NRP2: variants seen among roughly 807,000 people sequenced by gnomAD.
NRP2 encodes neuropilin 2.
Under a neutral mutation model 110.4 loss-of-function variants are expected in NRP2, and 52 were observed. That is an observed-to-expected ratio of 0.47 (90% CI 0.38 to 0.59). The LOEUF (loss-of-function observed/expected upper bound fraction) is 0.59, where lower values mean the gene tolerates loss of function less well. NRP2 is among the 20% of genes least tolerant of loss of function. NRP2 has a pLI of 0.00. For synonymous variants in NRP2, 508 were observed against 468.9 expected (o/e 1.08, Z -1.08); for missense variants, 1,049 against 1,203.0 (o/e 0.87, Z 1.89).
intron 1 of NRP2, among the ~76,000 whole-genome samples, chr2:205,687,167 G>T (rs1430707618): frequency 6.6e-6 from 1 of 152,114 alleles, no homozygotes; most frequent in Admixed American, 6.5e-5. Flanking sequence ...TCACCCTTCC[G>T]TCTGGACTGG....
chr2:205,727,057 C>T (rs1004984831), intron 6 of NRP2, among the ~76,000 whole-genome samples: 2 of 152,234 alleles, frequency 1.3e-5, no homozygotes, highest in Non-Finnish European at 2.9e-5. Flanking sequence ...CATATACTTT[C>T]GCCTATTGCT....
chr2:205,703,654 G>A (rs2056610346), intron 2 of NRP2, among the ~76,000 whole-genome samples: 1 of 152,196 alleles, frequency 6.6e-6, no homozygotes, highest in Non-Finnish European at 1.5e-5. Flanking sequence ...GGAAGATCAA[G>A]GAAGGCTCCC....
intron 15 of NRP2, among the ~76,000 whole-genome samples, chr2:205,771,190 T>A (rs34372604): frequency 1.4e-3 from 216 of 152,304 alleles, no homozygotes; most frequent in South Asian, 2.9e-3. Flanking sequence ...ACATGGTTTC[T>A]GCCAACTTAC....
chr2:205,773,493 T>C (rs958170500), intron 15 of NRP2, among the ~76,000 whole-genome samples: 1 of 152,228 alleles, frequency 6.6e-6, no homozygotes, highest in Non-Finnish European at 1.5e-5. Flanking sequence ...GTTGATAATT[T>C]CAGGGGAGAG....
intron 7 of NRP2, 64 bp from the exon 8 acceptor site, chr2:205,740,455 C>CT: frequency 1.3e-6 from 2 of 1,581,946 alleles, no homozygotes; most frequent in Non-Finnish European, 1.7e-6. Context: ...CCTTCAAAGA[C>CT]TGCTCAAGTG....
At chr2:205,740,837 T>C (rs2057427071) in intron 8 of NRP2, among the ~76,000 whole-genome samples, 174 bp downstream of exon 8, 1 of 152,266 alleles carries the variant, frequency 6.6e-6, no homozygotes, top group African/African-American at 2.4e-5. Flanking sequence ...TATACATTTA[T>C]TAAGCATCTA....
At chr2:205,765,794 G>A in intron 14 of NRP2, 2 of 675,662 alleles carry the variant, frequency 3.0e-6, no homozygotes, top group South Asian at 1.4e-5. Flanking sequence ...TTCCCAATCA[G>A]AAATAGACAT....
intron 15 of NRP2, among the ~76,000 whole-genome samples, chr2:205,783,531 TGA>T (rs1296178337): frequency 6.6e-6 from 1 of 152,178 alleles, no homozygotes; most frequent in Non-Finnish European, 1.5e-5. Context: ...GTCTCAAATT[TGA>T]GAGGCCTTGG....
intron 15 of NRP2, among the ~76,000 whole-genome samples, chr2:205,791,591 G>A (rs2058302465): frequency 6.6e-6 from 1 of 152,194 alleles, no homozygotes; most frequent in Non-Finnish European, 1.5e-5. Flanking sequence ...AACTTAGCCT[G>A]GCTAGTCAGA....
intron 3 of NRP2, among the ~76,000 whole-genome samples, chr2:205,717,014 T>A (rs1449091203): frequency 6.6e-6 from 1 of 152,236 alleles, no homozygotes; most frequent in Non-Finnish European, 1.5e-5. Context: ...TTAAGTTGAC[T>A]GCTTGATTTC....
intron 3 of NRP2, among the ~76,000 whole-genome samples, chr2:205,716,596 T>G (rs2056902192): frequency 7.0e-6 from 1 of 143,314 alleles, no homozygotes; most frequent in African/African-American, 2.6e-5. Context: ...GGGGGTGGGG[T>G]CAAAACAGCC....
chr2:205,720,691 T>G (rs2056992855), intron 3 of NRP2, among the ~76,000 whole-genome samples: 1 of 152,206 alleles, frequency 6.6e-6, no homozygotes, highest in African/African-American at 2.4e-5. Context: ...CTTGGCCCCC[T>G]GAAGACCCGC....
chr2:205,685,229 C>T (rs960131734), intron 1 of NRP2, among the ~76,000 whole-genome samples: 1 of 152,200 alleles, frequency 6.6e-6, no homozygotes, highest in Non-Finnish European at 1.5e-5. Flanking sequence ...AGCCCAGAGG[C>T]GCGGAGTTCG....
intron 12 of NRP2, 146 bp downstream of exon 12, chr2:205,753,121 C>T: frequency 9.2e-7 from 1 of 1,092,758 alleles, no homozygotes; most frequent in Admixed American, 1.9e-5. Flanking sequence ...AGTCTTTGCT[C>T]AAGACGTCAC....
At position 205,725,290 on chromosome 2, in the gene NRP2, A is replaced by G. The variant is rs1402463978; in HGVS notation, c.821-623A>G. On this transcript the variant is annotated intron_variant, in intron 5 of 16. Coordinates refer to ENST00000357785, the MANE Select transcript of NRP2 (RefSeq NM_003872.3). The surrounding 1 kb of genome is among the most constrained non-coding windows in gnomAD (Gnocchi z 4.1). ...ATATCGATCAGTGTTGATGGCATTC[A>G]TAGAAGGACAGCAATGCAACTGACA... 6.6e-6 allele frequency among the ~76,000 whole-genome samples: 1 copy of G among 152,198 alleles called. No individual in the cohort carries two copies. The highest frequency in any genetic ancestry group is 1.5e-5 in the Non-Finnish European group (1 of 68,036).
chr2:205,743,093 G>A, intron 8 of NRP2, 110 bp from the exon 9 acceptor site: 1 of 1,592,654 alleles, frequency 6.3e-7, no homozygotes, highest in Admixed American at 1.7e-5. Context: ...AATTAGTGCT[G>A]ACTTAGTATT....
Position 205,797,071 on chromosome 2 carries a change from T to G in NRP2, c.*2013T>G, listed in dbSNP as rs1308166785. 1 of 152,670 alleles carries G rather than the reference T, an allele frequency of 6.6e-6. No homozygotes were observed. The highest frequency in any genetic ancestry group is 2.4e-5 in the African/African-American group (1 of 41,426). The allele number at this position is 152,670 out of a possible 1,614,324, so 9.5% of individuals were successfully genotyped here. On this transcript the variant is annotated 3_prime_UTR_variant, in exon 17 of 17. Transcript: ENST00000357785. The stretch of plus-strand genomic sequence containing the variant: ...TGCTTTGAGTTCTCTGTATCTACTG[T>G]GTATGTGAATGGTCATGTGGGACTC...
At chr2:205,739,771 G>A (rs773302463) in intron 7 of NRP2, among the ~76,000 whole-genome samples, 7 of 151,232 alleles carry the variant, frequency 4.6e-5, no homozygotes, top group Non-Finnish European at 1.0e-4. Context: ...GGAAAGCCAG[G>A]ACTTGCTCCC....
intron 7 of NRP2, among the ~76,000 whole-genome samples, chr2:205,737,801 G>A (rs2057370709): frequency 1.3e-5 from 2 of 152,230 alleles, no homozygotes; most frequent in African/African-American, 4.8e-5. Context: ...TGGCCTAGGG[G>A]ACACAAACTG....
Sources: allele counts gnomAD v4.1 joint callset (sites outside exome capture counted in the v4.1 genomes callset), GRCh38; gene constraint gnomAD v4.1.1; non-coding constraint Gnocchi (gnomAD v3.1); transcripts MANE v1.5; gene names NCBI Gene and HGNC (gene_info 2026-07-23, HGNC 2026-07-21).